ANGPTL6: variants seen among roughly 807,000 people sequenced by gnomAD.
ANGPTL6 encodes angiopoietin like 6.
Under a neutral mutation model 47.4 loss-of-function variants are expected in ANGPTL6, and 45 were observed. The observed-to-expected ratio is 0.95, with a 90% CI of 0.75 to 1.22. The LOEUF is 1.22. ANGPTL6 is among the 50% of genes most tolerant of loss of function. ANGPTL6 has a pLI of 0.00. For missense variants in ANGPTL6, 698 were observed against 669.4 expected, an observed-to-expected ratio of 1.04 and a Z score of -0.47; for synonymous variants, 290 against 295.9, an observed-to-expected ratio of 0.98 and a Z score of 0.20.
Position 10,096,400 on chromosome 19 carries a change from T to A in ANGPTL6, c.164A>T (p.Glu55Val), listed in dbSNP as rs560311003. The A allele has an allele frequency of 1.4e-5, 18 of 1,308,236 alleles. No individual in the cohort carries two copies. The highest frequency in any genetic ancestry group is 1.6e-5 in the Non-Finnish European group (17 of 1,033,380). The allele number at this position is 1,308,236 out of a possible 1,614,324, so 81.0% of individuals were successfully genotyped here. Residue 55 changes from glutamate to valine, a missense_variant, in exon 2 of 6, where the codon GAG (glutamate) becomes GTG (valine). Coordinates refer to ENST00000253109, the MANE Select transcript of ANGPTL6 (RefSeq NM_031917.3). ...CGCCAGCTCGCTGGCGTTGGCGGCC[T>A]CGGGCGTCGCCCGCGTGGATGCGGG... ...SGPASTRATP[E>V]AANASELAAL...
upstream of ANGPTL6, chr19:10,106,153 C>T (rs984335806): frequency 4.1e-5 from 27 of 655,270 alleles, no homozygotes; most frequent in Non-Finnish European, 5.7e-5. Context: ...GGGATTCGAA[C>T]CGGCGGATTC....
chr19:10,104,044 TGCACTCCA>T (rs1289105068), upstream of ANGPTL6, among the ~76,000 whole-genome samples: 1 of 129,552 alleles, frequency 7.7e-6, no homozygotes, highest in East Asian at 2.2e-4. Context: ...AGTGAGCCAC[TGCACTCCA>T]GCCTGGGCGA....
In ANGPTL6 at chr19:10,093,886, G is replaced by A. The variant is rs1166643425; in HGVS notation, c.764-6C>T. ...TGCACAATCCTGCCACGGGCCTGTGGGCACAGGGATAGGGGGGAGGCACAG... is the reference window on the plus strand; with the variant it reads ...TGCACAATCCTGCCACGGGCCTGTGAGCACAGGGATAGGGGGGAGGCACAG... On this transcript the variant is annotated splice_region_variant and splice_polypyrimidine_tract_variant and intron_variant, in intron 3 of 5. Transcript: ENST00000253109. The A allele has an allele frequency of 6.2e-7, 1 of 1,606,494 alleles. No homozygotes were observed. The highest frequency in any genetic ancestry group is 8.5e-7 in the Non-Finnish European group (1 of 1,179,924).
upstream of ANGPTL6, among the ~76,000 whole-genome samples, chr19:10,103,879 G>T (rs950868205): frequency 1.3e-5 from 2 of 151,136 alleles, no homozygotes; most frequent in East Asian, 1.9e-4. Context: ...CAGATCACGA[G>T]GTCAGCAATT....
rs2088548421 is a variant in ANGPTL6, at chr19:10,096,496, C to T, written c.68G>A (p.Gly23Asp). ...LLLGASWARA[G>D]APRCTYTFVL... ...GAAGGTGTAGGTGCAGCGCGGGGCGCCCGCCCGCGCCCACGACGCGCCCAG... is the reference window on the plus strand; with the variant it reads ...GAAGGTGTAGGTGCAGCGCGGGGCGTCCGCCCGCGCCCACGACGCGCCCAG... Residue 23 changes from glycine to aspartate, a missense_variant, in exon 2 of 6, where the codon GGC (glycine) becomes GAC (aspartate). Gly to Asp is a moderately conservative substitution (Grantham distance 94, BLOSUM62 -1). Transcript: ENST00000253109. 1 of 1,512,478 alleles carries T rather than the reference C, an allele frequency of 6.6e-7. No individual in the cohort carries two copies. 93.7% of individuals were successfully genotyped at this position (1,512,478 alleles called of 1,614,324 possible).
upstream of ANGPTL6, among the ~76,000 whole-genome samples, chr19:10,103,978 A>G (rs1031066720): frequency 2.0e-5 from 3 of 150,558 alleles, no homozygotes; most frequent in African/African-American, 7.3e-5. Flanking sequence ...CTGTAATCCC[A>G]GCTACTCAGG....
upstream of ANGPTL6, among the ~76,000 whole-genome samples, chr19:10,103,921 C>T (rs886623806): frequency 1.9e-4 from 29 of 151,306 alleles, no homozygotes; most frequent in East Asian, 3.9e-4. Flanking sequence ...GGTGAAACCC[C>T]GTCTCTACTA....
rs749994245 is a variant in ANGPTL6 at position 10,093,483 on chromosome 19, C to A, written c.1088G>T (p.Gly363Val). The change falls in exon 5 of 6, where the codon GGC becomes GTC. Residue 363 changes from glycine (G) to valine (V), a missense_variant. Physicochemically the swap from Gly to Val is moderately radical, Grantham distance 109. Coordinates refer to ENST00000253109, the MANE Select transcript of ANGPTL6 (RefSeq NM_031917.3). ...GGRGARAHYDGFSLEPESDHY... is the reference protein window; with the variant it reads ...GGRGARAHYDVFSLEPESDHY... ...GTCGCTCTCGGGTTCCAGGGAGAAG[C>A]CATCATAGTGGGCACGTGCTCCACG... is the stretch of plus-strand genomic sequence containing the variant. 3.1e-6 allele frequency: 5 copies of A among 1,614,226 alleles called. No homozygotes were observed. The highest frequency in any genetic ancestry group is 4.2e-6 in the Non-Finnish European group (5 of 1,180,050).
At chr19:10,097,564 A>G (rs2088577909) in intron 1 of ANGPTL6, among the ~76,000 whole-genome samples, 1 of 152,122 alleles carries the variant, frequency 6.6e-6, no homozygotes, top group Non-Finnish European at 1.5e-5. Context: ...TGCTAAAAAT[A>G]ACAGTAGGGC....
chr19:10,096,946 AAAATT>A (rs1374762534), intron 1 of ANGPTL6, among the ~76,000 whole-genome samples: 1 of 151,352 alleles, frequency 6.6e-6, no homozygotes, highest in Non-Finnish European at 1.5e-5. Flanking sequence ...AAAAAAAAAA[AAAATT>A]AGACAGACGT....
At chr19:10,095,035 C>A in intron 2 of ANGPTL6, 97 bp from the exon 3 acceptor site, 1 of 1,276,540 alleles carries the variant, frequency 7.8e-7, no homozygotes. Flanking sequence ...TCCCAGCTCC[C>A]AAATGACCTG....
rs1049684611 is a variant in ANGPTL6, at chr19:10,096,343, T to G, written c.221A>C (p.Glu74Ala). 14 of 1,286,240 alleles carry G rather than the reference T, an allele frequency of 1.1e-5. No homozygotes were observed. Among genetic ancestry groups the G allele is most frequent in the South Asian group, 1.0e-4 (4 of 39,480 alleles). The allele number at this position is 1,286,240 out of a possible 1,614,324, so 79.7% of individuals were successfully genotyped here. ...ALRMRVGRHE[E>A]LLRELQRLAA... The stretch of plus-strand genomic sequence containing the variant: ...CAGCCTCTGCAGCTCGCGTAACAGC[T>G]CCTCGTGGCGGCCGACGCGCATGCG... Residue 74 changes from glutamate (E) to alanine (A), a missense_variant, in exon 2 of 6, where the codon GAG becomes GCG. Coordinates refer to ENST00000253109, the MANE Select transcript of ANGPTL6 (RefSeq NM_031917.3).
At position 10,096,135 on chromosome 19, in the gene ANGPTL6, C is replaced by T. The variant is rs774283356; in HGVS notation, c.429G>A (p.Val143=). The change falls in exon 2 of 6, where the codon GTG becomes GTA. Residue 143 remains valine, a synonymous_variant. Coordinates refer to ENST00000253109, the MANE Select transcript of ANGPTL6 (RefSeq NM_031917.3). ...AAALALLGER[V]LNASAEAQRA... is the part of the protein sequence containing the mutation. The stretch of plus-strand genomic sequence containing the variant: ...GCTGAGCCTCGGCGGACGCGTTGAG[C>T]ACGCGCTCCCCGAGCAGCGCCAGCG... 2.1e-6 allele frequency: 3 copies of T among 1,412,690 alleles called. No individual in the cohort carries two copies. Among genetic ancestry groups the T allele is most frequent in the Non-Finnish European group, 9.2e-7 (1 of 1,082,480 alleles). The allele number at this position is 1,412,690 out of a possible 1,614,324, so 87.5% of individuals were successfully genotyped here. A position where few individuals can be genotyped will look rare whatever the true frequency, so the allele number is the denominator to read the frequency against.
rs372656859 is a variant in ANGPTL6, at chr19:10,095,127, G to A, written c.583-189C>T. Among the ~76,000 whole-genome samples, 28 of 152,222 alleles carry A rather than the reference G, an allele frequency of 1.8e-4. No individual in the cohort carries two copies. The East Asian group carries it at 2.9e-3, about 16-fold the overall frequency. ...CAACTTGGCTTTAAAGTGCAGACAG[G>A]CTGGGCGCTATGGCCCGTGCCTGTA... On this transcript the variant is annotated intron_variant, in intron 2 of 5. Coordinates refer to ENST00000253109, the MANE Select transcript of ANGPTL6 (RefSeq NM_031917.3).
At chr19:10,100,054 G>C (rs2088645889) in intron 1 of ANGPTL6, among the ~76,000 whole-genome samples, 2 of 150,284 alleles carry the variant, frequency 1.3e-5, no homozygotes, top group South Asian at 4.2e-4. Flanking sequence ...GAGACAGGGT[G>C]CCTGATCAAC....
intron 1 of ANGPTL6, among the ~76,000 whole-genome samples, chr19:10,098,564 T>G (rs1235079523): frequency 6.6e-6 from 1 of 151,906 alleles, no homozygotes; most frequent in East Asian, 1.9e-4. Flanking sequence ...GTGGCTCATG[T>G]CTGTAATCCC....
At chr19:10,096,622 G>T in intron 1 of ANGPTL6, 49 bp from the exon 2 acceptor site, 1 of 1,351,234 alleles carries the variant, frequency 7.4e-7, no homozygotes, top group South Asian at 1.5e-5. Context: ...GGGGCCCAGC[G>T]AGACCCCTCC....
intron 2 of ANGPTL6, 150 bp from the exon 3 acceptor site, chr19:10,095,088 C>T: frequency 2.3e-6 from 2 of 868,386 alleles, no homozygotes; most frequent in Non-Finnish European, 3.4e-6. Flanking sequence ...GAATGATCCT[C>T]CCCAAAAGCT....
chr19:10,094,442 G>A (rs1000270421), intron 3 of ANGPTL6: 16 of 353,528 alleles, frequency 4.5e-5, no homozygotes, highest in South Asian at 1.1e-4. Flanking sequence ...CATCGCGCCC[G>A]GCCAACTCTG....
Sources: allele counts gnomAD v4.1 joint callset (sites outside exome capture counted in the v4.1 genomes callset), GRCh38; gene constraint gnomAD v4.1.1; transcripts MANE v1.5; gene names NCBI Gene and HGNC (gene_info 2026-07-23, HGNC 2026-07-21).